The following TMEFF1 variants were observed in gnomAD, a reference collection of about 807,000 sequenced individuals.
TMEFF1 encodes tomoregulin-1.
In TMEFF1, 20 loss-of-function variants were observed where a neutral mutation model predicts 47.5. That is an observed-to-expected ratio of 0.42 (90% CI 0.30 to 0.61). The LOEUF (loss-of-function observed/expected upper bound fraction) is 0.61, where lower values mean the gene tolerates loss of function less well. Ranked by LOEUF, TMEFF1 falls within the 20% of genes least tolerant of loss-of-function variation. The pLI is 0.19. For missense variants in TMEFF1, 411 were observed against 471.1 expected (o/e 0.87, Z 1.18); for synonymous variants, 162 against 166.3 (o/e 0.97, Z 0.20).
At chr9:100,570,052 C>T (rs752467032) in intron 8 of TMEFF1, among the ~76,000 whole-genome samples, 1 of 152,142 alleles carries the variant, frequency 6.6e-6, no homozygotes, top group Non-Finnish European at 1.5e-5. Flanking sequence ...TCTTTCTATG[C>T]TTGGCTTATT....
chr9:100,547,461 A>G, intron 5 of TMEFF1, among the ~76,000 whole-genome samples: 1 of 152,308 alleles, frequency 6.6e-6, no homozygotes. Context: ...CCATTTTGCT[A>G]TTTAATTAAT....
intron 2 of TMEFF1, among the ~76,000 whole-genome samples, chr9:100,505,411 A>T: frequency 7.4e-5 from 1 of 13,440 alleles, no homozygotes; most frequent in Non-Finnish European, 1.4e-4. Context: ...ACCCTGTCTC[A>T]AAAAAAAAAA....
chr9:100,569,302 G>C (rs1839182271), intron 8 of TMEFF1, among the ~76,000 whole-genome samples: 1 of 152,136 alleles, frequency 6.6e-6, no homozygotes, highest in African/African-American at 2.4e-5. Context: ...GATGGCTAAT[G>C]ATGTTGAGCA....
chr9:100,544,044 C>T (rs1012598118), intron 5 of TMEFF1, among the ~76,000 whole-genome samples: 1 of 151,572 alleles, frequency 6.6e-6, no homozygotes, highest in Non-Finnish European at 1.5e-5. Flanking sequence ...TTTAAATAGT[C>T]CCTTTGGAAT....
chr9:100,509,302 C>T (rs1019102594), intron 3 of TMEFF1, among the ~76,000 whole-genome samples, 168 bp downstream of exon 3: 2 of 152,074 alleles, frequency 1.3e-5, no homozygotes, highest in African/African-American at 4.8e-5. Flanking sequence ...TGTTGCTTTT[C>T]AACCCCAGGT....
intron 5 of TMEFF1, among the ~76,000 whole-genome samples, chr9:100,541,276 A>AT (rs1212572042): frequency 2.7e-5 from 4 of 146,908 alleles, no homozygotes; most frequent in Non-Finnish European, 6.0e-5. Context: ...TTTTGCTGAT[A>AT]TTTTTTCTGC....
intron 5 of TMEFF1, among the ~76,000 whole-genome samples, chr9:100,518,835 A>G (rs1470669516): frequency 2.0e-5 from 3 of 152,232 alleles, no homozygotes; most frequent in African/African-American, 4.8e-5. Context: ...TGTGTTTTTC[A>G]TGGTTGCTAA....
intron 5 of TMEFF1, among the ~76,000 whole-genome samples, chr9:100,517,084 A>G (rs987787190): frequency 6.6e-6 from 1 of 152,078 alleles, no homozygotes; most frequent in South Asian, 2.1e-4. Flanking sequence ...TTCAGCCTTC[A>G]TTAAGGTAGG....
chr9:100,540,233 A>G (rs1181863762), intron 5 of TMEFF1, among the ~76,000 whole-genome samples: 1 of 151,396 alleles, frequency 6.6e-6, no homozygotes, highest in African/African-American at 2.4e-5. Flanking sequence ...TCCCCACCGG[A>G]TTAGCTAGAC....
chr9:100,506,632 T>C (rs1837867555), intron 2 of TMEFF1, among the ~76,000 whole-genome samples: 1 of 151,566 alleles, frequency 6.6e-6, no homozygotes. Context: ...CCGGACGTGG[T>C]GGCGGGCGCC....
At chr9:100,487,025 T>G (rs960460241) in intron 1 of TMEFF1, among the ~76,000 whole-genome samples, 1 of 152,248 alleles carries the variant, frequency 6.6e-6, no homozygotes, top group Admixed American at 6.5e-5. Context: ...GTATCAATTC[T>G]GTTGTTTATA....
intron 1 of TMEFF1, among the ~76,000 whole-genome samples, chr9:100,476,644 C>T (rs150433635): frequency 5.7e-4 from 86 of 150,468 alleles, no homozygotes; most frequent in African/African-American, 2.0e-3. Context: ...CCGCCTGCCT[C>T]GGCCTCCCAA....
rs60312984 is a variant in TMEFF1, at chr9:100,505,410, C to CA, written c.307-3564dup. 6.2e-3 allele frequency among the ~76,000 whole-genome samples: 164 copies of CA among 26,444 alleles called. 5 individuals carry two copies. Among genetic ancestry groups the CA allele is most frequent in the African/African-American group, 0.015 (91 of 6,058 alleles). The allele number at this position is 26,444 out of a possible 152,430, so 17.3% of individuals were successfully genotyped here. A position where few individuals can be genotyped will look rare whatever the true frequency, so the allele number is the denominator to read the frequency against. The stretch of plus-strand genomic sequence containing the variant: ...CTGGCGACAGACCTAGACCCTGTCT[C>CA]AAAAAAAAAAAAAAAAAAAAAAAAA... On this transcript the variant is annotated intron_variant, in intron 2 of 9. Coordinates refer to ENST00000374879, the MANE Select transcript of TMEFF1 (RefSeq NM_003692.5).
At chr9:100,558,292 A>G (rs1257295632) in intron 7 of TMEFF1, among the ~76,000 whole-genome samples, 1 of 151,990 alleles carries the variant, frequency 6.6e-6, no homozygotes, top group Non-Finnish European at 1.5e-5. Context: ...ATAGGACTTT[A>G]TTATCATAGG....
At chr9:100,551,629 A>G (rs1403978194) in intron 7 of TMEFF1, among the ~76,000 whole-genome samples, 2 of 152,200 alleles carry the variant, frequency 1.3e-5, no homozygotes, top group African/African-American at 4.8e-5. Flanking sequence ...CACTTTTGAG[A>G]TACTGAAAAT....
chr9:100,508,504 T>C (rs1026679317), intron 2 of TMEFF1, among the ~76,000 whole-genome samples: 1 of 151,970 alleles, frequency 6.6e-6, no homozygotes, highest in African/African-American at 2.4e-5. Flanking sequence ...TTGGTTTTTT[T>C]TCCTACTCGT....
chr9:100,573,300 G>A (rs1294480402), intron 9 of TMEFF1, among the ~76,000 whole-genome samples: 1 of 152,046 alleles, frequency 6.6e-6, no homozygotes, highest in Non-Finnish European at 1.5e-5. Flanking sequence ...GTGATATCAT[G>A]GTGTTAACAT....
intron 8 of TMEFF1, among the ~76,000 whole-genome samples, chr9:100,564,917 T>C (rs1026256705): frequency 1.3e-5 from 2 of 152,144 alleles, no homozygotes; most frequent in Admixed American, 6.5e-5. Context: ...TTAGGTTGGA[T>C]ATGAGCACGA....
At chr9:100,561,954 A>G (rs1839024979) in intron 8 of TMEFF1, among the ~76,000 whole-genome samples, 1 of 152,204 alleles carries the variant, frequency 6.6e-6, no homozygotes, top group African/African-American at 2.4e-5. Flanking sequence ...ATGAAAATGG[A>G]AAGGGCGTAA....
Sources: allele counts gnomAD v4.1 joint callset (sites outside exome capture counted in the v4.1 genomes callset), GRCh38; gene constraint gnomAD v4.1.1; transcripts MANE v1.5; gene names NCBI Gene and HGNC (gene_info 2026-07-23, HGNC 2026-07-21).